Variants in DNAH9 observed in about 807,000 individuals in gnomAD.
The protein encoded by DNAH9 is DNAH9 variant protein.
Under a neutral mutation model 471.6 loss-of-function variants are expected in DNAH9, and 345 were observed. The ratio of observed to expected loss-of-function variants is 0.73; its 90% confidence interval spans 0.67 to 0.80. The LOEUF (loss-of-function observed/expected upper bound fraction) is 0.80. Among genes scored for constraint, DNAH9 ranks in the 30% least tolerant of loss-of-function variants. DNAH9 has a pLI of 0.00. For synonymous variants in DNAH9, 2,093 were observed against 2,123.6 expected (o/e 0.99, Z 0.40); for missense variants, 5,407 against 5,609.2 (o/e 0.96, Z 1.15).
chr17:11,882,056 G>A (rs2150996366), intron 55 of DNAH9, among the ~76,000 whole-genome samples: 1 of 152,350 alleles, frequency 6.6e-6, no homozygotes, highest in Middle Eastern at 3.4e-3. Context: ...ACAGAACTAG[G>A]TCCAACAGTG....
chr17:11,728,393 G>A (rs2075193898), intron 28 of DNAH9, among the ~76,000 whole-genome samples: 1 of 152,252 alleles, frequency 6.6e-6, no homozygotes, highest in Middle Eastern at 3.4e-3. Flanking sequence ...CGCTTCTGGG[G>A]TGAGATTTTA....
chr17:11,901,008 T>C (rs1973392806), intron 59 of DNAH9, among the ~76,000 whole-genome samples: 1 of 152,240 alleles, frequency 6.6e-6, no homozygotes, highest in Admixed American at 6.5e-5. Flanking sequence ...TAAGAGGGTA[T>C]GAGAAAGTTT....
At chr17:11,854,454 C>G (rs1229160435) in intron 50 of DNAH9, 26 bp downstream of exon 50, 2 of 1,586,830 alleles carry the variant, frequency 1.3e-6, no homozygotes, top group East Asian at 2.2e-5. Context: ...GCCCCTCACC[C>G]TGCTAGTCCG....
Position 11,629,586 on chromosome 17 carries a change from T to A in DNAH9, c.1518+2T>A. On this transcript the variant is annotated splice_donor_variant, in intron 7 of 68. Transcript: ENST00000262442. LOFTEE classifies it high-confidence loss of function. ...GACTGCCTGTACCTCCAAAGCACGGTAGGGTTGGGAAGGGCTGAATCGCCA... is the reference window on the plus strand; with the variant it reads ...GACTGCCTGTACCTCCAAAGCACGGAAGGGTTGGGAAGGGCTGAATCGCCA... 6.2e-7 allele frequency: 1 copy of A among 1,612,604 alleles called. No individual in the cohort carries two copies. Among genetic ancestry groups the A allele is most frequent in the Non-Finnish European group, 8.5e-7 (1 of 1,179,434 alleles).
At chr17:11,842,628 A>G (rs1971071293) in intron 49 of DNAH9, among the ~76,000 whole-genome samples, 1 of 152,228 alleles carries the variant, frequency 6.6e-6, no homozygotes, top group Non-Finnish European at 1.5e-5. Flanking sequence ...TAAGTCCAAG[A>G]GTCCAAAGCC....
intron 6 of DNAH9, among the ~76,000 whole-genome samples, chr17:11,628,434 T>C (rs759355424): frequency 3.9e-5 from 6 of 152,206 alleles, no homozygotes; most frequent in Non-Finnish European, 7.3e-5. Flanking sequence ...AGGCTTGAGT[T>C]AACTGACTTA....
At chr17:11,877,844 C>T (rs1972563634) in intron 53 of DNAH9, among the ~76,000 whole-genome samples, 1 of 152,156 alleles carries the variant, frequency 6.6e-6, no homozygotes, top group African/African-American at 2.4e-5. Context: ...AAGCTATTCT[C>T]CTGCCTCAGC....
chr17:11,608,014 C>G (rs1258161663), intron 1 of DNAH9, 115 bp from the exon 2 acceptor site: 4 of 734,044 alleles, frequency 5.4e-6, no homozygotes, highest in Non-Finnish European at 8.9e-6. Flanking sequence ...GGCCTTCCAG[C>G]ACAGTGACCT....
rs371004142 is a variant in DNAH9 at position 11,610,367 on chromosome 17, TATC to T, written c.615-26_615-24del. Reference sequence around the variant, plus strand: ...GCCTCAGGGTTTTTGTTTTTGTTGTTATCATTGTTGTTGTTTTGTCTTTCACAG... The same window carrying T: ...GCCTCAGGGTTTTTGTTTTTGTTGTTATTGTTGTTGTTTTGTCTTTCACAG... On this transcript the variant is annotated intron_variant, in intron 2 of 68. Transcript: ENST00000262442. 8.3e-5 allele frequency: 133 copies of T among 1,599,314 alleles called. No individual in the cohort carries two copies. In the East Asian group the frequency reaches 1.3e-3, roughly 15 times the overall value.
At chr17:11,684,335 A>G (rs985250100) in intron 19 of DNAH9, among the ~76,000 whole-genome samples, 1 of 152,178 alleles carries the variant, frequency 6.6e-6, no homozygotes, top group African/African-American at 2.4e-5. Context: ...CTTCATGTCC[A>G]AGTCAAATTT....
chr17:11,615,666 A>C (rs1433430416), intron 4 of DNAH9, among the ~76,000 whole-genome samples: 3 of 151,960 alleles, frequency 2.0e-5, no homozygotes, highest in Non-Finnish European at 2.9e-5. Flanking sequence ...AGGGTATTGC[A>C]TCCTGGGTTG....
At chr17:11,943,655 T>C (rs12953038) in intron 67 of DNAH9, among the ~76,000 whole-genome samples, 75,214 of 151,846 alleles carry the variant, frequency 0.5, 18,746 homozygotes, top group Middle Eastern at 0.58. Flanking sequence ...CCAGCCTGGG[T>C]GACAGAGCAA....
At chr17:11,754,295 CAT>C (rs1253913664) in intron 33 of DNAH9, among the ~76,000 whole-genome samples, 1 of 152,088 alleles carries the variant, frequency 6.6e-6, no homozygotes. Flanking sequence ...CATTTGCGTT[CAT>C]ATGTCTTTAT....
Position 11,921,105 on chromosome 17 carries a change from C to T in DNAH9, c.11750-2709C>T, listed in dbSNP as rs1974122897. Among the ~76,000 whole-genome samples the T allele has an allele frequency of 2.6e-5, 4 of 151,518 alleles. No homozygotes were observed. The South Asian group carries it at 8.4e-4, about 32-fold the overall frequency. ...GCAGTGAGGTGAGATCGTACCACTGCACTCCAGCCTGGGTGTAATCCCAGC... is the reference window on the plus strand; with the variant it reads ...GCAGTGAGGTGAGATCGTACCACTGTACTCCAGCCTGGGTGTAATCCCAGC... On this transcript the variant is annotated intron_variant, in intron 61 of 68. Coordinates refer to ENST00000262442, the MANE Select transcript of DNAH9 (RefSeq NM_001372.4).
chr17:11,704,894 G>T, intron 25 of DNAH9, 131 bp from the exon 26 acceptor site: 1 of 756,096 alleles, frequency 1.3e-6, no homozygotes, highest in South Asian at 1.6e-5. Context: ...TTTCTATGCT[G>T]TGGTGGCCAC....
At chr17:11,952,281 AG>A (rs1975402011) in intron 67 of DNAH9, among the ~76,000 whole-genome samples, 1 of 141,474 alleles carries the variant, frequency 7.1e-6, no homozygotes, top group African/African-American at 2.6e-5. Context: ...CTGGGATTAC[AG>A]GCATGCACCA....
rs368264648 is a variant in DNAH9 at position 11,784,547 on chromosome 17, C to A, written c.8061+8C>A. ...TTTGCCAACATTTTCCAGGTGAGTTCATCGGCTCCGAGACACCCTAGGGGC... is the reference window on the plus strand; with the variant it reads ...TTTGCCAACATTTTCCAGGTGAGTTAATCGGCTCCGAGACACCCTAGGGGC... On this transcript the variant is annotated splice_region_variant and intron_variant, in intron 41 of 68. Coordinates refer to ENST00000262442, the MANE Select transcript of DNAH9 (RefSeq NM_001372.4). 28 of 1,614,014 alleles carry A rather than the reference C, an allele frequency of 1.7e-5. No homozygotes were observed. Among genetic ancestry groups the A allele is most frequent in the Non-Finnish European group, 1.9e-5 (23 of 1,180,038 alleles).
chr17:11,680,701 C>T (rs1251826775), intron 18 of DNAH9, 22 bp from the exon 19 acceptor site: 2 of 1,611,914 alleles, frequency 1.2e-6, no homozygotes, highest in African/African-American at 1.3e-5. Context: ...GGAATCTGAC[C>T]ACACTGAGGT....
intron 19 of DNAH9, among the ~76,000 whole-genome samples, chr17:11,686,320 T>G (rs1341315732): frequency 6.6e-6 from 1 of 152,206 alleles, no homozygotes; most frequent in Admixed American, 6.5e-5. Flanking sequence ...CTTTTAATTA[T>G]AGTTTTATTC....
Sources: gnomAD v4.1 joint callset for allele counts (sites outside exome capture counted in the v4.1 genomes callset) on GRCh38, gnomAD v4.1.1 for gene constraint, MANE v1.5 for transcripts, NCBI Gene and HGNC (gene_info 2026-07-23, HGNC 2026-07-21) for gene names.